EYS: variants seen among roughly 807,000 people sequenced by gnomAD.
EYS encodes the protein protein eyes shut homolog.
In EYS, 250 loss-of-function variants were observed where a neutral mutation model predicts 282.1. The observed-to-expected ratio is 0.89, with a 90% confidence interval of 0.80 to 0.98. EYS has a LOEUF of 0.98. Ranked by LOEUF, EYS falls within the 50% of genes least tolerant of loss-of-function variation. EYS has a pLI of 0.00. For missense variants in EYS, 4,016 were observed against 3,709.0 expected (o/e 1.08, Z -2.15); for synonymous variants, 1,355 against 1,282.9 (o/e 1.06, Z -1.20).
intron 12 of EYS, among the ~76,000 whole-genome samples, chr6:65,136,755 A>G (rs960881479): frequency 6.6e-6 from 1 of 152,180 alleles, no homozygotes; most frequent in African/African-American, 2.4e-5. Flanking sequence ...GCATGGTCTC[A>G]GCTTACTGCA....
chr6:65,271,492 C>T (rs967181459), intron 12 of EYS, among the ~76,000 whole-genome samples: 1 of 152,050 alleles, frequency 6.6e-6, no homozygotes, highest in African/African-American at 2.4e-5. Flanking sequence ...ATGCTAATCT[C>T]TTCCAGAAAC....
intron 12 of EYS, among the ~76,000 whole-genome samples, chr6:65,082,911 T>C (rs1296215888): frequency 6.6e-6 from 1 of 152,032 alleles, no homozygotes; most frequent in Non-Finnish European, 1.5e-5. Context: ...TTTATTTGCT[T>C]TGAGGCATTT....
chr6:65,610,276 T>A (rs1012842414), intron 2 of EYS, among the ~76,000 whole-genome samples: 1 of 152,032 alleles, frequency 6.6e-6, no homozygotes, highest in Non-Finnish European at 1.5e-5. Flanking sequence ...GTTCTTTTTT[T>A]CCCCCTTTTT....
intron 31 of EYS, among the ~76,000 whole-genome samples, chr6:64,162,083 C>T (rs1006535261): frequency 3.9e-5 from 6 of 152,082 alleles, no homozygotes; most frequent in Non-Finnish European, 2.9e-5. Flanking sequence ...TTCCAGCCCT[C>T]TAGGGAAGAG....
chr6:64,339,703 G>T (rs2150395727), intron 29 of EYS, among the ~76,000 whole-genome samples: 2 of 151,534 alleles, frequency 1.3e-5, no homozygotes, highest in South Asian at 4.2e-4. Context: ...AGCACAATTG[G>T]ATGGAATACT....
intron 30 of EYS, among the ~76,000 whole-genome samples, chr6:64,305,516 T>C (rs1341673373): frequency 6.6e-6 from 1 of 152,184 alleles, no homozygotes; most frequent in African/African-American, 2.4e-5. Flanking sequence ...TAAAACCTTT[T>C]TGTATTGGCA....
intron 29 of EYS, among the ~76,000 whole-genome samples, chr6:64,327,995 T>C (rs1770493808): frequency 1.3e-5 from 2 of 151,930 alleles, no homozygotes; most frequent in Admixed American, 6.6e-5. Context: ...GCAATGCAGA[T>C]CCCCCTCCAA....
intron 5 of EYS, among the ~76,000 whole-genome samples, chr6:65,476,060 T>C (rs1383195569): frequency 1.3e-5 from 2 of 152,036 alleles, no homozygotes; most frequent in South Asian, 2.1e-4. Context: ...GATTACTCTC[T>C]TATTAAAAAA....
At chr6:64,641,756 T>C (rs570888781) in intron 22 of EYS, among the ~76,000 whole-genome samples, 38 of 152,238 alleles carry the variant, frequency 2.5e-4, no homozygotes, top group Non-Finnish European at 5.0e-4. Flanking sequence ...AAGGGAGCGT[T>C]ACCTCCTGAG....
At chr6:65,179,239 CA>C (rs200864159) in intron 12 of EYS, among the ~76,000 whole-genome samples, 9 of 149,662 alleles carry the variant, frequency 6.0e-5, no homozygotes, top group East Asian at 2.0e-4. Context: ...AATAGAGACA[CA>C]AAAAAAAACC....
At chr6:64,754,387 C>G (rs1016115677) in intron 22 of EYS, among the ~76,000 whole-genome samples, 2 of 33,590 alleles carry the variant, frequency 6.0e-5, no homozygotes, top group Non-Finnish European at 1.2e-4. Context: ...CAGTCAGATT[C>G]ACAGCTGATG....
At chr6:64,455,414 A>C (rs1395356624) in intron 26 of EYS, among the ~76,000 whole-genome samples, 1 of 151,170 alleles carries the variant, frequency 6.6e-6, no homozygotes, top group African/African-American at 2.4e-5. Flanking sequence ...TTGAGTTTAA[A>C]GTTTTCTGTT....
At chr6:63,794,537 T>G (rs994662191) in intron 37 of EYS, among the ~76,000 whole-genome samples, 5 of 152,240 alleles carry the variant, frequency 3.3e-5, no homozygotes, top group African/African-American at 1.2e-4. Context: ...GTCACTTTCC[T>G]GGAATTTCTT....
intron 12 of EYS, among the ~76,000 whole-genome samples, chr6:65,179,625 G>T (rs941010224): frequency 2.0e-5 from 3 of 152,222 alleles, no homozygotes; most frequent in Middle Eastern, 3.4e-3. Context: ...TCTACCAGAG[G>T]TACAAGGAGG....
intron 33 of EYS, among the ~76,000 whole-genome samples, chr6:64,047,811 C>CCAA (rs1770678836): frequency 6.6e-6 from 1 of 152,214 alleles, no homozygotes; most frequent in Admixed American, 6.5e-5. Flanking sequence ...TTGGTGGGAA[C>CCAA]TATCATTAAG....
At chr6:65,479,034 A>T (rs61620211) in intron 5 of EYS, among the ~76,000 whole-genome samples, 1,648 of 150,980 alleles carry the variant, frequency 0.011, 27 homozygotes, top group African/African-American at 0.038. Context: ...CAAATGGTTG[A>T]ACTAAAATGA....
chr6:64,828,699 G>A (rs1275604251), intron 19 of EYS, among the ~76,000 whole-genome samples: 2 of 152,080 alleles, frequency 1.3e-5, no homozygotes, highest in African/African-American at 4.8e-5. Context: ...ATCTACAGTA[G>A]GTAGTATATT....
intron 24 of EYS, among the ~76,000 whole-genome samples, chr6:64,598,612 G>A (rs560105841): frequency 1.2e-3 from 188 of 152,310 alleles, no homozygotes; most frequent in Non-Finnish European, 2.1e-3. Context: ...AGAGCTTTAT[G>A]AGAATATGGT....
chr6:65,519,726 T>A (rs1485606794), intron 2 of EYS, among the ~76,000 whole-genome samples: 1 of 89,720 alleles, frequency 1.1e-5, no homozygotes, highest in African/African-American at 4.7e-5. Context: ...TTTTTTTTTT[T>A]TTTTTTTGAG....
Sources: gnomAD v4.1 joint callset for allele counts (sites outside exome capture counted in the v4.1 genomes callset) on GRCh38, gnomAD v4.1.1 for gene constraint, MANE v1.5 for transcripts, NCBI Gene and HGNC (gene_info 2026-07-23, HGNC 2026-07-21) for gene names.